Variants in GLRA3 observed in about 807,000 individuals in gnomAD.
GLRA3 encodes the protein glycine receptor alpha 3, also known as glycine receptor subunit alpha-3.
A neutral mutation model predicts 60.4 loss-of-function variants in GLRA3; 44 were observed. The ratio of observed to expected loss-of-function variants is 0.73; its 90% CI spans 0.57 to 0.94. The LOEUF is 0.94. Ranked by LOEUF, GLRA3 falls within the 40% of genes least tolerant of loss-of-function variation. The pLI, the probability that GLRA3 is intolerant of heterozygous loss-of-function variation, is 0.00. For missense variants in GLRA3, 508 were observed against 564.6 expected, an observed-to-expected ratio of 0.90 and a Z score of 1.02; for synonymous variants, 223 against 192.9, an observed-to-expected ratio of 1.16 and a Z score of -1.29.
At chr4:174,713,729 T>C (rs1383343541) in intron 5 of GLRA3, 1 of 152,220 alleles carries the variant, frequency 6.6e-6, no homozygotes, top group Non-Finnish European at 1.5e-5. Context: ...CTTCTAAATG[T>C]AGGCATTTCT....
chr4:174,693,821 AGTATACT>A (rs1237244417), intron 5 of GLRA3, among the ~76,000 whole-genome samples: 1 of 152,174 alleles, frequency 6.6e-6, no homozygotes, highest in African/African-American at 2.4e-5. Flanking sequence ...AAGACCTAAT[AGTATACT>A]GTCCTCAAGA....
chr4:174,750,580 T>C (rs1737431512), intron 3 of GLRA3, among the ~76,000 whole-genome samples: 1 of 152,142 alleles, frequency 6.6e-6, no homozygotes, highest in South Asian at 2.1e-4. Context: ...GTGATGGCTG[T>C]CCTCTGTAAG....
chr4:174,701,724 A>T (rs1189391852), intron 5 of GLRA3, among the ~76,000 whole-genome samples: 2 of 152,220 alleles, frequency 1.3e-5, no homozygotes, highest in Non-Finnish European at 2.9e-5. Context: ...ATTTGGAAGA[A>T]GTTGATTTCA....
In GLRA3 at chr4:174,706,242, G is replaced by A. The variant is rs7665466; in HGVS notation, c.574+9246C>T. On this transcript the variant is annotated intron_variant, in intron 5 of 9. Transcript: ENST00000274093. ...GAGACTCCGTCTCAGAAAAAAAAAA[G>A]AAAAAAAAAATGTTCAGAAATGGCC... 4.0e-5 allele frequency among the ~76,000 whole-genome samples: 6 copies of A among 149,140 alleles called. No homozygotes were observed. In the South Asian group the frequency reaches 6.4e-4, roughly 16 times the overall value.
rs1291211209 is a variant in GLRA3, at chr4:174,637,913, T to A, written c.*5873A>T. The A allele has an allele frequency of 1.3e-5, 2 of 151,984 alleles. No individual in the cohort carries two copies. The highest frequency in any genetic ancestry group is 2.9e-5 in the Non-Finnish European group (2 of 68,022). The allele number at this position is 151,984 out of a possible 1,614,324, so 9.4% of individuals were successfully genotyped here. On this transcript the variant is annotated 3_prime_UTR_variant, in exon 10 of 10. Coordinates refer to ENST00000274093, the MANE Select transcript of GLRA3 (RefSeq NM_006529.4). ...ATTAATTTTATATTTCATTATTTTA[T>A]AAGCCTGAAAATATCTCATCATTGT... is the stretch of plus-strand genomic sequence containing the variant.
intron 3 of GLRA3, among the ~76,000 whole-genome samples, chr4:174,757,552 A>G (rs1737770017): frequency 6.6e-6 from 1 of 152,170 alleles, no homozygotes; most frequent in Non-Finnish European, 1.5e-5. Flanking sequence ...AAGGGAATAA[A>G]CTCCCAGTGG....
At chr4:174,760,942 C>G (rs964321300) in intron 3 of GLRA3, among the ~76,000 whole-genome samples, 2 of 151,992 alleles carry the variant, frequency 1.3e-5, no homozygotes, top group Non-Finnish European at 2.9e-5. Context: ...AAATTTATAC[C>G]TGAAAAATGA....
intron 1 of GLRA3, among the ~76,000 whole-genome samples, chr4:174,794,356 C>T (rs1739476736): frequency 6.6e-6 from 1 of 152,058 alleles, no homozygotes; most frequent in African/African-American, 2.4e-5. Flanking sequence ...ATGTTAAGTG[C>T]CACGTGATGC....
intron 7 of GLRA3, among the ~76,000 whole-genome samples, chr4:174,664,214 C>G (rs375695516): frequency 6.6e-6 from 1 of 152,126 alleles, no homozygotes; most frequent in Non-Finnish European, 1.5e-5. Flanking sequence ...CACTGGGACA[C>G]GACTCACTAA....
At chr4:174,704,183 T>C (rs1735431613) in intron 5 of GLRA3, among the ~76,000 whole-genome samples, 1 of 142,928 alleles carries the variant, frequency 7.0e-6, no homozygotes, top group South Asian at 2.2e-4. Context: ...TAGTCCCAGC[T>C]ACTTGGGAAG....
At chr4:174,713,700 C>A (rs1735805801) in intron 5 of GLRA3, 1 of 152,162 alleles carries the variant, frequency 6.6e-6, no homozygotes, top group Admixed American at 6.5e-5. Flanking sequence ...TTGCCTTTGT[C>A]TGGAATTTTT....
At chr4:174,802,025 C>A (rs1359731680) in intron 1 of GLRA3, among the ~76,000 whole-genome samples, 1 of 150,714 alleles carries the variant, frequency 6.6e-6, no homozygotes. Flanking sequence ...ATAAATATTT[C>A]AAAAATAAAT....
Position 174,656,749 on chromosome 4 carries a change from T to C in GLRA3, c.1110A>G (p.Ser370=). 2 of 1,566,930 alleles carry C rather than the reference T, an allele frequency of 1.3e-6. No individual in the cohort carries two copies. Among genetic ancestry groups the C allele is most frequent in the Non-Finnish European group, 1.8e-6 (2 of 1,137,534 alleles). Residue 370 remains serine, a synonymous_variant, in exon 9 of 10, where the codon TCA becomes TCG. Transcript: ENST00000274093. The part of the protein sequence containing the change: ...AFALEKFYRF[S]DMDDEVRESR... Reference sequence around the variant, plus strand: ...GTTAAGAAAGTCAATTTACCATATCTGAGAAACGGTAAAACTTCTCCAGTG... The same window carrying C: ...GTTAAGAAAGTCAATTTACCATATCCGAGAAACGGTAAAACTTCTCCAGTG...
At chr4:174,708,582 T>A (rs1282800644) in intron 5 of GLRA3, among the ~76,000 whole-genome samples, 2 of 150,912 alleles carry the variant, frequency 1.3e-5, no homozygotes, top group East Asian at 3.9e-4. Flanking sequence ...CAAATCTAAA[T>A]AATATTTTAA....
intron 1 of GLRA3, among the ~76,000 whole-genome samples, chr4:174,804,223 A>G (rs1226445161): frequency 6.6e-6 from 1 of 152,182 alleles, no homozygotes; most frequent in Non-Finnish European, 1.5e-5. Context: ...ACAGACAGGT[A>G]AAAAGAGAAA....
chr4:174,783,342 G>A (rs142369187), intron 2 of GLRA3, among the ~76,000 whole-genome samples: 14,138 of 135,086 alleles, frequency 0.1, 2,760 homozygotes, highest in East Asian at 0.41. Context: ...AGACTTACAT[G>A]TTAGACCTAA....
chr4:174,682,064 A>G (rs1392782915), intron 6 of GLRA3, among the ~76,000 whole-genome samples: 1 of 152,226 alleles, frequency 6.6e-6, no homozygotes, highest in Non-Finnish European at 1.5e-5. Context: ...ATGAAATGAT[A>G]AGAACAGAAG....
intron 4 of GLRA3, among the ~76,000 whole-genome samples, chr4:174,718,182 C>G (rs1735994671): frequency 6.6e-6 from 1 of 152,282 alleles, no homozygotes; most frequent in Non-Finnish European, 1.5e-5. Flanking sequence ...GCTCCTTTCA[C>G]AGCATACTGA....
intron 3 of GLRA3, among the ~76,000 whole-genome samples, chr4:174,740,633 T>C (rs1294756185): frequency 1.3e-5 from 2 of 152,214 alleles, no homozygotes; most frequent in South Asian, 2.1e-4. Flanking sequence ...CTTTAATTTG[T>C]TTTAAAATTC....
Sources: allele counts gnomAD v4.1 joint callset (sites outside exome capture counted in the v4.1 genomes callset), GRCh38; gene constraint gnomAD v4.1.1; transcripts MANE v1.5; gene names NCBI Gene and HGNC (gene_info 2026-07-23, HGNC 2026-07-21).